The following USP24 variants were observed in gnomAD, a reference collection of about 807,000 sequenced individuals.
USP24 encodes ubiquitin specific peptidase 24.
USP24 carries 97 observed loss-of-function variants against 361.6 expected under a neutral mutation model. The ratio of observed to expected loss-of-function variants is 0.27; its 90% confidence interval spans 0.23 to 0.32. The LOEUF (loss-of-function observed/expected upper bound fraction) is 0.32. USP24 is among the 10% of genes least tolerant of loss of function. The pLI is 1.00. For missense variants in USP24, 2,353 were observed against 3,165.6 expected, an observed-to-expected ratio of 0.74 and a Z score of 6.16; for synonymous variants, 1,098 against 1,124.6, an observed-to-expected ratio of 0.98 and a Z score of 0.47.
Position 55,089,047 on chromosome 1 carries a change from T to C in USP24, c.6668+580A>G, listed in dbSNP as rs548705119. Among the ~76,000 whole-genome samples the C allele has an allele frequency of 2.0e-5, 3 of 151,808 alleles. No homozygotes were observed. In the East Asian group the frequency reaches 5.9e-4, roughly 30 times the overall value. On this transcript the variant is annotated intron_variant, in intron 55 of 67. Transcript: ENST00000294383. ...CCTGCCTCAGCCTCCCAAGTAGCTA[T>C]AGGTGCCCACAACCACGCCCGGCTA...
chr1:55,144,075 C>T, intron 21 of USP24, 52 bp downstream of exon 21: 2 of 1,392,838 alleles, frequency 1.4e-6, no homozygotes, highest in South Asian at 1.5e-5. Context: ...TGCTGAATAT[C>T]AAGTTATACT....
intron 20 of USP24, among the ~76,000 whole-genome samples, chr1:55,144,631 G>A (rs1291677493): frequency 6.6e-6 from 1 of 152,130 alleles, no homozygotes; most frequent in East Asian, 1.9e-4. Context: ...CCAGAGAAGT[G>A]CACATTAAAA....
intron 16 of USP24, among the ~76,000 whole-genome samples, chr1:55,148,816 C>T (rs368008315): frequency 6.6e-6 from 1 of 152,130 alleles, no homozygotes; most frequent in African/African-American, 2.4e-5. Flanking sequence ...AGTAAATGTA[C>T]AGGGGTACAT....
intron 12 of USP24, 25 bp downstream of exon 12, chr1:55,156,923 G>A: frequency 6.4e-7 from 1 of 1,570,222 alleles, no homozygotes; most frequent in Admixed American, 1.7e-5. Flanking sequence ...TTAGCCAAAG[G>A]CAAAAATAAT....
chr1:55,165,844 A>G, intron 7 of USP24, 41 bp downstream of exon 7: 2 of 1,523,432 alleles, frequency 1.3e-6, no homozygotes, highest in Non-Finnish European at 1.8e-6. Context: ...ACTCAAGTGA[A>G]ATGAATTTCC....
chr1:55,182,495 A>C (rs1262566112), intron 1 of USP24, among the ~76,000 whole-genome samples: 6 of 152,094 alleles, frequency 3.9e-5, no homozygotes, highest in Non-Finnish European at 8.8e-5. Context: ...TTACCATGGG[A>C]TATCCATCAT....
At chr1:55,206,174 A>G (rs974030224) in intron 1 of USP24, among the ~76,000 whole-genome samples, 1 of 152,226 alleles carries the variant, frequency 6.6e-6, no homozygotes, top group Non-Finnish European at 1.5e-5. Context: ...TCTCTATCCA[A>G]TTAAATATTA....
intron 57 of USP24, 66 bp from the exon 58 acceptor site, chr1:55,083,430 C>G (rs1645190838): frequency 6.8e-7 from 1 of 1,474,642 alleles, no homozygotes; most frequent in Non-Finnish European, 9.3e-7. Context: ...TTTAAAAACA[C>G]AGCTAAATGG....
At chr1:55,144,286 C>T (rs1557629795) in intron 20 of USP24, 83 bp from the exon 21 acceptor site, 1 of 899,554 alleles carries the variant, frequency 1.1e-6, no homozygotes, top group Non-Finnish European at 1.6e-6. Flanking sequence ...GGATCAAGAA[C>T]TAAAACCATA....
In USP24 at chr1:55,083,222, G is replaced by A. The variant is rs375423092; in HGVS notation, c.6975+50C>T. 4.9e-4 allele frequency: 750 copies of A among 1,542,486 alleles called. 2 individuals are homozygous for A. Among genetic ancestry groups the A allele is most frequent in the Non-Finnish European group, 6.4e-4 (717 of 1,121,346 alleles). ...TATCACCTACAAAAAGAAACACAGC[G>A]GCTATGAAAACCATAGCTATTCCAC... On this transcript the variant is annotated intron_variant, in intron 58 of 67. Coordinates refer to ENST00000294383, the MANE Select transcript of USP24 (RefSeq NM_015306.3).
At position 55,176,249 on chromosome 1, in the gene USP24, CAGTT is replaced by C. The variant is rs547170093; in HGVS notation, c.558+123_558+126del. The stretch of plus-strand genomic sequence containing the variant: ...CCGTTTTTCATATTAGAGGATTCCT[CAGTT>C]AAACAAGATTCATAAACTGGTCTTA... On this transcript the variant is annotated intron_variant, in intron 3 of 67. Coordinates refer to ENST00000294383, the MANE Select transcript of USP24 (RefSeq NM_015306.3). 1.7e-3 allele frequency: 1,053 copies of C among 633,360 alleles called. 2 individuals carry two copies. The highest frequency in any genetic ancestry group is 2.5e-3 in the Non-Finnish European group (966 of 392,920). The allele number at this position is 633,360 out of a possible 1,614,324, so 39.2% of individuals were successfully genotyped here.
intron 1 of USP24, among the ~76,000 whole-genome samples, chr1:55,209,124 G>GA (rs1396093469): frequency 6.7e-6 from 1 of 148,834 alleles, no homozygotes; most frequent in Non-Finnish European, 1.5e-5. Flanking sequence ...AAAAAGGGAG[G>GA]AAAAAAACAT....
rs1367241431 is a variant in USP24 at position 55,067,827 on chromosome 1, C to T, written c.*1218G>A. The T allele has an allele frequency of 1.3e-5, 2 of 152,150 alleles. No homozygotes were observed. The highest frequency in any genetic ancestry group is 4.8e-5 in the African/African-American group (2 of 41,422). 9.4% of individuals were successfully genotyped at this position (152,150 alleles called of 1,614,324 possible). On this transcript the variant is annotated 3_prime_UTR_variant, in exon 68 of 68. Coordinates refer to ENST00000294383, the MANE Select transcript of USP24 (RefSeq NM_015306.3). ...TATATATGAAATATGTGGGTGTAAA[C>T]CTCTCCCCCACACCATAAAAGGGAG...
At position 55,079,609 on chromosome 1, in the gene USP24, G is replaced by A. The variant is rs765398696; in HGVS notation, c.7129C>T (p.Pro2377Ser). 7 of 1,551,148 alleles carry A rather than the reference G, an allele frequency of 4.5e-6. No individual in the cohort carries two copies. The Admixed American group carries it at 6.7e-5, about 15-fold the overall frequency. The part of the protein sequence containing the change: ...RPPISIAPSS[P>S]LLPLHEEVEA... ...ACCTCCTCATGGAGGGGCAACAGAG[G>A]GCTTGAGGGAGCAATGCTAATGGGT... The change falls in exon 60 of 68, where the codon CCT (proline) becomes TCT (serine). Residue 2377 changes from proline (P) to serine (S), a missense_variant. By Grantham distance (74) the Pro-to-Ser change is moderately conservative. Transcript: ENST00000294383.
At chr1:55,195,016 CAAAACAA>C (rs1644380184) in intron 1 of USP24, among the ~76,000 whole-genome samples, 1 of 143,734 alleles carries the variant, frequency 7.0e-6, no homozygotes, top group South Asian at 2.1e-4. Flanking sequence ...TTCCTTAAAA[CAAAACAA>C]AACAAAACAA....
At chr1:55,162,110 A>C in intron 8 of USP24, 89 bp downstream of exon 8, 1 of 1,216,434 alleles carries the variant, frequency 8.2e-7, no homozygotes, top group Non-Finnish European at 1.1e-6. Flanking sequence ...TCTGGATTAA[A>C]GACCACTCTG....
intron 55 of USP24, among the ~76,000 whole-genome samples, chr1:55,088,646 G>C (rs1645304278): frequency 6.6e-6 from 1 of 152,152 alleles, no homozygotes; most frequent in Non-Finnish European, 1.5e-5. Context: ...CGAGCGGTAA[G>C]GAGTGGGCAC....
At chr1:55,115,495 C>CAAAAAAAAAAA (rs1165658382) in intron 38 of USP24, among the ~76,000 whole-genome samples, 45 of 45,768 alleles carry the variant, frequency 9.8e-4, no homozygotes, top group Admixed American at 2.8e-3. Context: ...GACTCCGCCT[C>CAAAAAAAAAAA]AAAAAAAAAA....
At chr1:55,079,785 T>TCACACACTGAGTACTCTCACAGAGTACC in intron 59 of USP24, 126 bp from the exon 60 acceptor site, 1 of 1,230,740 alleles carries the variant, frequency 8.1e-7, no homozygotes, top group Non-Finnish European at 1.1e-6. Context: ...CACAGAGTAC[T>TCACACACTGAGTACTCTCACAGAGTACC]CACACACTGA....
Sources: gnomAD v4.1 joint callset for allele counts (sites outside exome capture counted in the v4.1 genomes callset) on GRCh38, gnomAD v4.1.1 for gene constraint, MANE v1.5 for transcripts, NCBI Gene and HGNC (gene_info 2026-07-23, HGNC 2026-07-21) for gene names.